Variants in ADARB2 observed in about 807,000 individuals in gnomAD.
The protein encoded by ADARB2 is inactive double-stranded RNA-specific editase B2.
A neutral mutation model predicts 62.2 loss-of-function variants in ADARB2; 25 were observed. That is an observed-to-expected ratio of 0.40 (90% CI 0.29 to 0.56). The LOEUF (loss-of-function observed/expected upper bound fraction) is 0.56. Ranked by LOEUF, ADARB2 falls within the 20% of genes least tolerant of loss-of-function variation. ADARB2 has a pLI of 0.43. For synonymous variants in ADARB2, 572 were observed against 500.8 expected (o/e 1.14, Z -1.90); for missense variants, 1,071 against 1,077.4 (o/e 0.99, Z 0.08).
rs1301653072 is a variant in ADARB2, at chr10:1,599,727, C to A, written c.100+137324G>T. Reference sequence around the variant, plus strand: ...AAGTATCCCTTCCTCTGTCTGGAAGCCTTTGTGAAACTTTGTTTTTTTTCT... The same window carrying A: ...AAGTATCCCTTCCTCTGTCTGGAAGACTTTGTGAAACTTTGTTTTTTTTCT... On this transcript the variant is annotated intron_variant, in intron 1 of 9. Transcript: ENST00000381312. Among the ~76,000 whole-genome samples the A allele has an allele frequency of 3.3e-5, 5 of 152,200 alleles. No individual in the cohort carries two copies. In the East Asian group the frequency reaches 9.7e-4, roughly 29 times the overall value.
chr10:1,598,858 G>A (rs148353837), intron 1 of ADARB2, among the ~76,000 whole-genome samples: 1,952 of 152,318 alleles, frequency 0.013, 17 homozygotes, highest in South Asian at 0.027. Flanking sequence ...CACAGCCTGC[G>A]GCACCCAGGC....
chr10:1,503,484 C>T (rs748804419), intron 1 of ADARB2, among the ~76,000 whole-genome samples: 4 of 152,022 alleles, frequency 2.6e-5, no homozygotes, highest in African/African-American at 7.2e-5. Context: ...GCAGTCAATT[C>T]CCTTTCAGCC....
chr10:1,558,888 T>C (rs874674), intron 1 of ADARB2, among the ~76,000 whole-genome samples: 33,374 of 148,268 alleles, frequency 0.23, 4,173 homozygotes, highest in African/African-American at 0.26. Context: ...ATAACATGCA[T>C]GTGTTTCTGT....
chr10:1,558,139 C>T (rs1478028413), intron 1 of ADARB2, among the ~76,000 whole-genome samples: 2 of 152,098 alleles, frequency 1.3e-5, no homozygotes, highest in African/African-American at 4.8e-5. Flanking sequence ...CCTCACGTCT[C>T]CATCCTTCCC....
At chr10:1,411,367 C>T (rs1832758300) in intron 1 of ADARB2, among the ~76,000 whole-genome samples, 1 of 152,202 alleles carries the variant, frequency 6.6e-6, no homozygotes, top group Non-Finnish European at 1.5e-5. Context: ...TCCCCACCAG[C>T]CCAGGGCGGG....
intron 1 of ADARB2, among the ~76,000 whole-genome samples, chr10:1,431,562 A>G (rs1480433948): frequency 6.6e-6 from 1 of 152,202 alleles, no homozygotes; most frequent in Non-Finnish European, 1.5e-5. Context: ...AAAACTATAA[A>G]AAACAAGAAA....
rs61832023 is a variant in ADARB2, at chr10:1,297,459, C to G, written c.1078-26390G>C. On this transcript the variant is annotated intron_variant, in intron 3 of 9. Transcript: ENST00000381312. ...ACCTGCTTGGCATTCCCTGTGAAAC[C>G]TTACCATAGAGCTGTTCCCCACTGA... is the stretch of plus-strand genomic sequence containing the variant. Among the ~76,000 whole-genome samples the G allele has an allele frequency of 4.6e-3, 707 of 152,290 alleles. 1 individual carries two copies. Among genetic ancestry groups the G allele is most frequent in the Non-Finnish European group, 7.2e-3 (489 of 68,016 alleles).
chr10:1,606,133 C>T (rs1469496630), intron 1 of ADARB2, among the ~76,000 whole-genome samples: 1 of 152,210 alleles, frequency 6.6e-6, no homozygotes, highest in Admixed American at 6.5e-5. Context: ...TTCAGGTTCT[C>T]CATGTCTCTT....
At chr10:1,433,398 T>C (rs1429531371) in intron 1 of ADARB2, among the ~76,000 whole-genome samples, 1 of 152,052 alleles carries the variant, frequency 6.6e-6, no homozygotes, top group African/African-American at 2.4e-5. Context: ...CAGGGAAGAA[T>C]AGGAAAAGGC....
intron 1 of ADARB2, among the ~76,000 whole-genome samples, chr10:1,568,974 C>A (rs531353506): frequency 1.3e-5 from 2 of 151,954 alleles, no homozygotes; most frequent in Non-Finnish European, 2.9e-5. Context: ...ACAGGAGATG[C>A]GCCCATTAGA....
chr10:1,335,740 G>A (rs1043437307), intron 3 of ADARB2, among the ~76,000 whole-genome samples: 1 of 152,166 alleles, frequency 6.6e-6, no homozygotes, highest in Non-Finnish European at 1.5e-5. Flanking sequence ...GAAATACTCT[G>A]TCACTTTTCT....
intron 6 of ADARB2, among the ~76,000 whole-genome samples, chr10:1,229,008 C>T (rs1288205696): frequency 2.0e-5 from 3 of 152,188 alleles, no homozygotes; most frequent in Non-Finnish European, 4.4e-5. Flanking sequence ...GGCCAGAGTG[C>T]ATGGGGTGAG....
intron 3 of ADARB2, among the ~76,000 whole-genome samples, chr10:1,278,207 T>A (rs1831337492): frequency 1.3e-5 from 2 of 152,144 alleles, no homozygotes; most frequent in African/African-American, 4.8e-5. Flanking sequence ...CTAGCACTCC[T>A]GACCTCAGGT....
At chr10:1,249,827 A>G (rs1831020654) in intron 4 of ADARB2, among the ~76,000 whole-genome samples, 1 of 152,172 alleles carries the variant, frequency 6.6e-6, no homozygotes, top group East Asian at 1.9e-4. Context: ...ACCTCCAGAG[A>G]ATCCAGTTGA....
In ADARB2 at chr10:1,697,166, C is replaced by T. The variant is rs572484400; in HGVS notation, c.100+39885G>A. On this transcript the variant is annotated intron_variant, in intron 1 of 9. Coordinates refer to ENST00000381312, the MANE Select transcript of ADARB2 (RefSeq NM_018702.4). The stretch of plus-strand genomic sequence containing the variant: ...TGGGGGCTGCTCGGGCCTCTGTGTG[C>T]GAACACTGCTGTGGGTCTGGTTATT... Among the ~76,000 whole-genome samples the T allele has an allele frequency of 7.3e-4, 111 of 152,198 alleles. 1 individual carries two copies. Among genetic ancestry groups the T allele is most frequent in the South Asian group, 2.1e-3 (10 of 4,822 alleles).
At position 1,518,867 on chromosome 10, in the gene ADARB2, A is replaced by G. The variant is rs569372647; in HGVS notation, c.101-139707T>C. Among the ~76,000 whole-genome samples, 1,052 of 148,850 alleles carry G rather than the reference A, an allele frequency of 7.1e-3. 11 individuals are homozygous for G. Among genetic ancestry groups the G allele is most frequent in the African/African-American group, 0.025 (1,004 of 40,320 alleles). ...ACGTCTGCCTGTGGTGTGGTCATAC[A>G]CATGCATTCCATGTAACATCTGCAT... is the stretch of plus-strand genomic sequence containing the variant. On this transcript the variant is annotated intron_variant, in intron 1 of 9. Transcript: ENST00000381312.
At chr10:1,382,059 C>T (rs1478649726) in intron 1 of ADARB2, among the ~76,000 whole-genome samples, 1 of 152,126 alleles carries the variant, frequency 6.6e-6, no homozygotes, top group Non-Finnish European at 1.5e-5. Context: ...TTTTGGTGAT[C>T]GTTACCCAAT....
At chr10:1,492,385 T>C (rs1490063410) in intron 1 of ADARB2, among the ~76,000 whole-genome samples, 2 of 151,954 alleles carry the variant, frequency 1.3e-5, no homozygotes, top group African/African-American at 4.8e-5. Context: ...CATGGTCCAG[T>C]ATGTTGGTGT....
chr10:1,454,596 C>A (rs115365947), intron 1 of ADARB2, among the ~76,000 whole-genome samples: 2 of 152,258 alleles, frequency 1.3e-5, no homozygotes, highest in African/African-American at 4.8e-5. Flanking sequence ...AAACAATGAA[C>A]AATGTCACCT....
Sources: allele counts gnomAD v4.1 joint callset (sites outside exome capture counted in the v4.1 genomes callset), GRCh38; gene constraint gnomAD v4.1.1; transcripts MANE v1.5; gene names NCBI Gene and HGNC (gene_info 2026-07-23, HGNC 2026-07-21).